The following NFX1 variants were observed in gnomAD, a reference collection of about 807,000 sequenced individuals.
NFX1 encodes transcriptional repressor NF-X1.
Under a neutral mutation model 137.2 loss-of-function variants are expected in NFX1, and 69 were observed. The ratio of observed to expected loss-of-function variants is 0.50; its 90% CI spans 0.41 to 0.61. The LOEUF (loss-of-function observed/expected upper bound fraction) is 0.61. NFX1 is among the 20% of genes least tolerant of loss of function. The probability of loss-of-function intolerance (pLI) is 0.00; values close to 1 mark genes in which losing one functional copy is unlikely to be tolerated. For synonymous variants in NFX1, 495 were observed against 474.1 expected (o/e 1.04, Z -0.57); for missense variants, 1,167 against 1,391.0 (o/e 0.84, Z 2.56).
chr9:33,331,323 GGTT>G (rs1822799071), intron 10 of NFX1, among the ~76,000 whole-genome samples: 1 of 152,132 alleles, frequency 6.6e-6, no homozygotes, highest in African/African-American at 2.4e-5. Context: ...AAACTTCAAA[GGTT>G]GTTTTCATTT....
intron 19 of NFX1, among the ~76,000 whole-genome samples, chr9:33,363,566 G>A (rs1824079105): frequency 6.6e-6 from 1 of 152,130 alleles, no homozygotes; most frequent in South Asian, 2.1e-4. Flanking sequence ...TTACTGGTGT[G>A]AGCCACCGCA....
At chr9:33,351,518 C>T (rs760335735) in intron 15 of NFX1, 42 bp from the exon 16 acceptor site, 2 of 1,572,848 alleles carry the variant, frequency 1.3e-6, no homozygotes, top group South Asian at 1.1e-5. Context: ...CACCCCAAAT[C>T]CCACATGGAG....
intron 19 of NFX1, among the ~76,000 whole-genome samples, chr9:33,355,608 G>GTTAGACTA (rs1823782496): frequency 7.1e-6 from 1 of 141,392 alleles, no homozygotes. Context: ...TGTATTAACT[G>GTTAGACTA]TTAGACTATT....
chr9:33,314,786 A>G (rs1822094828), intron 7 of NFX1, among the ~76,000 whole-genome samples: 2 of 152,176 alleles, frequency 1.3e-5, no homozygotes, highest in South Asian at 2.1e-4. Flanking sequence ...GGGGGAAGGG[A>G]CACAAATTTT....
intron 19 of NFX1, among the ~76,000 whole-genome samples, chr9:33,360,065 T>G (rs1035010637): frequency 5.3e-5 from 8 of 152,240 alleles, no homozygotes; most frequent in African/African-American, 1.7e-4. Context: ...TCAAAACCCT[T>G]GCCCTTTAGG....
intron 11 of NFX1, among the ~76,000 whole-genome samples, chr9:33,336,534 A>G (rs1210214489): frequency 6.6e-6 from 1 of 152,044 alleles, no homozygotes; most frequent in Non-Finnish European, 1.5e-5. Context: ...TTTTTAAATC[A>G]TAGCCATCCT....
chr9:33,359,326 C>T (rs1823917435), intron 19 of NFX1, among the ~76,000 whole-genome samples: 2 of 151,986 alleles, frequency 1.3e-5, no homozygotes, highest in South Asian at 4.2e-4. Flanking sequence ...TGGCCGGGCG[C>T]GGTGGCTCAC....
chr9:33,368,166 C>G (rs1303535463), intron 23 of NFX1, among the ~76,000 whole-genome samples: 1 of 151,830 alleles, frequency 6.6e-6, no homozygotes, highest in African/African-American at 2.4e-5. Flanking sequence ...ACCTTGGAGG[C>G]AGAGGTTGCA....
In NFX1 at chr9:33,351,587, G is replaced by A. The variant is rs1419976634; in HGVS notation, c.2452G>A (p.Val818Ile). ...TCGGAGCAACATCCCCTGTCACCTG[G>A]TTGATATCTCTTGCGGATTACCCTG... ...EFRSNIPCHL[V>I]DISCGLPCSA... The change falls in exon 16 of 24, where the codon GTT (valine) becomes ATT (isoleucine). Residue 818 changes from valine (V) to isoleucine (I), a missense_variant. Around this residue, in one of 3 missense-constraint regions of NFX1, gnomAD observed 488 missense variants for 691.5 expected, o/e 0.71. Coordinates refer to ENST00000379540, the MANE Select transcript of NFX1 (RefSeq NM_002504.6). 6.2e-7 allele frequency: 1 copy of A among 1,614,194 alleles called. No individual in the cohort carries two copies. The highest frequency in any genetic ancestry group is 1.1e-5 in the South Asian group (1 of 91,084).
chr9:33,340,084 AG>A (rs931471400), intron 12 of NFX1, among the ~76,000 whole-genome samples: 5 of 152,194 alleles, frequency 3.3e-5, no homozygotes, highest in Non-Finnish European at 7.4e-5. Flanking sequence ...CAGCTCCACT[AG>A]GTGGTGCCCT....
intron 11 of NFX1, among the ~76,000 whole-genome samples, chr9:33,336,489 C>T (rs547760314): frequency 2.0e-5 from 3 of 152,346 alleles, no homozygotes; most frequent in South Asian, 4.1e-4. Flanking sequence ...GCTGGGATTA[C>T]AGGCGTGAGC....
intron 23 of NFX1, among the ~76,000 whole-genome samples, chr9:33,369,422 A>G (rs1824263789): frequency 6.6e-6 from 1 of 152,174 alleles, no homozygotes; most frequent in African/African-American, 2.4e-5. Context: ...AAACTCTATT[A>G]TGGAAATGTT....
chr9:33,341,846 G>C (rs2118570381), intron 12 of NFX1, among the ~76,000 whole-genome samples: 1 of 152,328 alleles, frequency 6.6e-6, no homozygotes, highest in Non-Finnish European at 1.5e-5. Context: ...GCTGGATGCG[G>C]TGGCTCATGC....
At chr9:33,294,361 A>AT in intron 1 of NFX1, 59 bp from the exon 2 acceptor site, 1 of 1,452,430 alleles carries the variant, frequency 6.9e-7, no homozygotes, top group South Asian at 1.4e-5. Context: ...CTTGGAGTCT[A>AT]TGAGTTTCAT....
chr9:33,353,218 A>C (rs1008621872), intron 17 of NFX1, among the ~76,000 whole-genome samples: 1 of 152,156 alleles, frequency 6.6e-6, no homozygotes, highest in African/African-American at 2.4e-5. Flanking sequence ...TTGTGAGATA[A>C]GAAGGGAAGA....
chr9:33,354,507 G>A (rs544811217), intron 18 of NFX1, among the ~76,000 whole-genome samples: 2 of 152,288 alleles, frequency 1.3e-5, no homozygotes, highest in South Asian at 4.1e-4. Flanking sequence ...CTGTTAAGAG[G>A]GGCACCTGTG....
At chr9:33,292,704 T>C (rs564213737) in intron 1 of NFX1, among the ~76,000 whole-genome samples, 1 of 152,360 alleles carries the variant, frequency 6.6e-6, no homozygotes, top group African/African-American at 2.4e-5. Flanking sequence ...ATCCTGTATA[T>C]GAGTACATGC....
chr9:33,294,319 A>C, intron 1 of NFX1, 101 bp from the exon 2 acceptor site: 1 of 1,128,218 alleles, frequency 8.9e-7, no homozygotes, highest in Non-Finnish European at 1.3e-6. Context: ...TGTTTTATAC[A>C]AAGTTCTAAG....
At chr9:33,366,574 A>C (rs1824175010) in intron 21 of NFX1, 55 bp from the exon 22 acceptor site, 4 of 1,597,304 alleles carry the variant, frequency 2.5e-6, no homozygotes, top group Non-Finnish European at 3.4e-6. Context: ...ATTAGTTGTA[A>C]GCATTTTGTT....
Sources: allele counts gnomAD v4.1 joint callset (sites outside exome capture counted in the v4.1 genomes callset), GRCh38; gene constraint gnomAD v4.1.1; regional missense constraint gnomAD v4.1.1; transcripts MANE v1.5; gene names NCBI Gene and HGNC (gene_info 2026-07-23, HGNC 2026-07-21).